HDAC9: variants seen among roughly 807,000 people sequenced by gnomAD.
HDAC9 encodes histone deacetylase 9, also known as MEF-2 interacting transcription repressor (MITR) protein.
In HDAC9, 41 loss-of-function variants were observed where a neutral mutation model predicts 139.4. That is an observed-to-expected ratio of 0.29 (90% confidence interval 0.23 to 0.38). The LOEUF (loss-of-function observed/expected upper bound fraction) is 0.38. Among genes scored for constraint, HDAC9 ranks in the 10% least tolerant of loss-of-function variants. The pLI is 1.00. For missense variants in HDAC9, 1,147 were observed against 1,297.0 expected (o/e 0.88, Z 1.78); for synonymous variants, 517 against 476.2 (o/e 1.09, Z -1.12).
At chr7:18,214,941 A>G (rs1379006308) in intron 2 of HDAC9, among the ~76,000 whole-genome samples, 3 of 152,104 alleles carry the variant, frequency 2.0e-5, no homozygotes, top group African/African-American at 7.2e-5. Context: ...TATTATTTTC[A>G]TTTGCAGCTA....
Position 18,794,111 on chromosome 7 carries a change from T to C in HDAC9, c.2322+659T>C, listed in dbSNP as rs116376339. ...GACGTTGACATTTTATTTGGTATTT[T>C]AACAGTGCTATTTAAAGGTACGCCA... is the stretch of plus-strand genomic sequence containing the variant. On this transcript the variant is annotated intron_variant, in intron 17 of 25. Transcript: ENST00000686413. Among the ~76,000 whole-genome samples, 981 of 152,332 alleles carry C rather than the reference T, an allele frequency of 6.4e-3. 7 individuals carry two copies. Among genetic ancestry groups the C allele is most frequent in the African/African-American group, 0.023 (938 of 41,584 alleles).
intron 3 of HDAC9, among the ~76,000 whole-genome samples, chr7:18,585,793 C>G (rs547607914): frequency 1.3e-5 from 2 of 151,850 alleles, no homozygotes; most frequent in Admixed American, 1.3e-4. Flanking sequence ...AGATTCTCTC[C>G]TACGTGATTT....
At chr7:18,789,743 C>G in intron 16 of HDAC9, among the ~76,000 whole-genome samples, 1 of 152,190 alleles carries the variant, frequency 6.6e-6, no homozygotes, top group East Asian at 1.9e-4. Context: ...CCAAGCAAAT[C>G]CTTCTTTCCC....
upstream of HDAC9, chr7:18,290,180 T>G (rs1797716078): frequency 9.6e-6 from 2 of 209,344 alleles, no homozygotes; most frequent in Non-Finnish European, 2.0e-5. Context: ...GTTTCTGTAG[T>G]CTATTAGGCT....
chr7:18,688,116 G>T (rs1387157001), intron 12 of HDAC9, among the ~76,000 whole-genome samples: 1 of 151,600 alleles, frequency 6.6e-6, no homozygotes, highest in Non-Finnish European at 1.5e-5. Context: ...ATATGTGTGT[G>T]TATTATTTAG....
intron 2 of HDAC9, among the ~76,000 whole-genome samples, chr7:18,237,914 A>C (rs1221837915): frequency 6.6e-6 from 1 of 152,234 alleles, no homozygotes; most frequent in African/African-American, 2.4e-5. Flanking sequence ...GGTGATCATC[A>C]GAAGCAGACA....
At chr7:18,908,007 CA>C (rs1182813608) in intron 22 of HDAC9, among the ~76,000 whole-genome samples, 3 of 152,018 alleles carry the variant, frequency 2.0e-5, no homozygotes, top group African/African-American at 4.8e-5. Flanking sequence ...AAGGAAAAGG[CA>C]TCATTTATTA....
intron 2 of HDAC9, among the ~76,000 whole-genome samples, chr7:18,215,223 A>G (rs1260990429): frequency 6.6e-6 from 1 of 152,176 alleles, no homozygotes; most frequent in Non-Finnish European, 1.5e-5. Flanking sequence ...AGATTTGAAT[A>G]TGAAATCTGA....
intron 2 of HDAC9, among the ~76,000 whole-genome samples, chr7:18,237,054 A>T (rs913374427): frequency 1.3e-5 from 2 of 152,098 alleles, no homozygotes; most frequent in African/African-American, 4.8e-5. Flanking sequence ...ATCCCACTTG[A>T]CTTAAGACCT....
At chr7:18,975,442 T>C (rs1182059889) in intron 24 of HDAC9, among the ~76,000 whole-genome samples, 2 of 152,234 alleles carry the variant, frequency 1.3e-5, no homozygotes, top group African/African-American at 4.8e-5. Context: ...TCATGTTCTC[T>C]GTAAGAGTGC....
At chr7:18,399,893 A>G (rs1009914136) in intron 1 of HDAC9, among the ~76,000 whole-genome samples, 2 of 152,130 alleles carry the variant, frequency 1.3e-5, no homozygotes, top group Non-Finnish European at 2.9e-5. Flanking sequence ...TCTTTTCTTT[A>G]GTTTTTCAGG....
At chr7:18,424,188 G>C (rs1585797147) in intron 1 of HDAC9, among the ~76,000 whole-genome samples, 1 of 152,158 alleles carries the variant, frequency 6.6e-6, no homozygotes, top group Admixed American at 6.6e-5. Context: ...AATGTTTACT[G>C]TTACACACTT....
At chr7:18,539,900 A>G (rs1293951743) in intron 2 of HDAC9, among the ~76,000 whole-genome samples, 1 of 152,046 alleles carries the variant, frequency 6.6e-6, no homozygotes, top group Non-Finnish European at 1.5e-5. Flanking sequence ...TTAAAATAAA[A>G]CAAAATAAAA....
chr7:18,678,574 C>T (rs947091265), intron 12 of HDAC9, among the ~76,000 whole-genome samples: 4 of 151,776 alleles, frequency 2.6e-5, no homozygotes, highest in African/African-American at 9.7e-5. Context: ...AGTGGATGAA[C>T]TTCTGTTAAT....
chr7:18,430,459 A>G (rs1333201258), intron 1 of HDAC9: 1 of 152,212 alleles, frequency 6.6e-6, no homozygotes, highest in Non-Finnish European at 1.5e-5. Flanking sequence ...CCTGGCTTCA[A>G]GTGATTTTCC....
At chr7:18,516,311 G>T (rs1047557857) in intron 2 of HDAC9, among the ~76,000 whole-genome samples, 5 of 152,186 alleles carry the variant, frequency 3.3e-5, no homozygotes, top group African/African-American at 9.6e-5. Flanking sequence ...AATATATTCA[G>T]TTATGCTCAT....
intron 1 of HDAC9, among the ~76,000 whole-genome samples, chr7:18,292,172 A>G (rs1198951318): frequency 6.6e-6 from 1 of 151,998 alleles, no homozygotes; most frequent in African/African-American, 2.4e-5. Context: ...GCACTGTGCT[A>G]TGTGGTTTTC....
chr7:18,521,607 C>T (rs927424177), intron 2 of HDAC9, among the ~76,000 whole-genome samples: 2 of 152,156 alleles, frequency 1.3e-5, no homozygotes, highest in Non-Finnish European at 2.9e-5. Flanking sequence ...ACCATACTGT[C>T]TCACCATATT....
At chr7:18,811,421 A>C (rs2129190902) in intron 17 of HDAC9, among the ~76,000 whole-genome samples, 1 of 151,758 alleles carries the variant, frequency 6.6e-6, no homozygotes, top group South Asian at 2.1e-4. Context: ...ACATTCTGTA[A>C]ATTTTGCTAT....
Sources: gnomAD v4.1 joint callset for allele counts (sites outside exome capture counted in the v4.1 genomes callset) on GRCh38, gnomAD v4.1.1 for gene constraint, MANE v1.5 for transcripts, NCBI Gene and HGNC (gene_info 2026-07-23, HGNC 2026-07-21) for gene names.